Variants in FOLH1 observed in about 807,000 individuals in gnomAD.
FOLH1 encodes the protein glutamate carboxypeptidase 2.
FOLH1 carries 54 observed loss-of-function variants against 93.9 expected under a neutral mutation model. The ratio of observed to expected loss-of-function variants is 0.57; its 90% CI spans 0.46 to 0.72. The LOEUF is 0.72. Ranked by LOEUF, FOLH1 falls within the 30% of genes least tolerant of loss-of-function variation. The probability of loss-of-function intolerance (pLI) is 0.00; values close to 1 mark genes in which losing one functional copy is unlikely to be tolerated. For missense variants in FOLH1, 571 were observed against 892.5 expected, an observed-to-expected ratio of 0.64 and a Z score of 4.59; for synonymous variants, 249 against 303.6, an observed-to-expected ratio of 0.82 and a Z score of 1.87.
chr11:49,200,540 G>A lies in FOLH1; in HGVS notation c.225-99C>T, dbSNP rs958615780. ...CAGAGTTACACAAAAGTACTTTGAA[G>A]TGTGATACGTTAAAAAATTAAAGTG... On this transcript the variant is annotated intron_variant, in intron 2 of 18. Coordinates refer to ENST00000256999, the MANE Select transcript of FOLH1 (RefSeq NM_004476.3). 7.8e-6 allele frequency: 10 copies of A among 1,280,912 alleles called. No homozygotes were observed. In the African/African-American group the frequency reaches 1.4e-4, roughly 17 times the overall value. The allele number at this position is 1,280,912 out of a possible 1,614,324, so 79.3% of individuals were successfully genotyped here.
chr11:49,183,844 G>T (rs1370111090), intron 6 of FOLH1, among the ~76,000 whole-genome samples: 2 of 151,996 alleles, frequency 1.3e-5, no homozygotes, highest in African/African-American at 4.8e-5. Flanking sequence ...GATAGTGATT[G>T]CTTCTAGGGG....
chr11:49,160,599 C>T (rs192764672), intron 13 of FOLH1, among the ~76,000 whole-genome samples: 205 of 152,132 alleles, frequency 1.3e-3, no homozygotes, highest in Non-Finnish European at 2.3e-3. Flanking sequence ...CCCGCCACCA[C>T]GTCTGGCTAA....
chr11:49,184,875 C>T (rs1861190292), intron 6 of FOLH1, among the ~76,000 whole-genome samples: 1 of 152,188 alleles, frequency 6.6e-6, no homozygotes, highest in Non-Finnish European at 1.5e-5. Flanking sequence ...GGGAGCCTTT[C>T]AGCATAAGAC....
At chr11:49,167,043 C>CAA (rs1554987333) in intron 12 of FOLH1, among the ~76,000 whole-genome samples, 6 of 108,150 alleles carry the variant, frequency 5.5e-5, no homozygotes, top group African/African-American at 1.6e-4. Context: ...ACAACAACAA[C>CAA]AACAAAAAAA....
At chr11:49,191,882 T>C (rs1444091080) in intron 4 of FOLH1, among the ~76,000 whole-genome samples, 1 of 152,142 alleles carries the variant, frequency 6.6e-6, no homozygotes, top group African/African-American at 2.4e-5. Flanking sequence ...GTATTTTTAA[T>C]AGAGATGGGG....
intron 17 of FOLH1, among the ~76,000 whole-genome samples, chr11:49,152,615 C>T (rs1395368337): frequency 6.6e-6 from 1 of 151,938 alleles, no homozygotes; most frequent in African/African-American, 2.4e-5. Context: ...TGTTTCTTAC[C>T]GATATTTTCA....
At chr11:49,168,397 T>C (rs1387214969) in intron 12 of FOLH1, among the ~76,000 whole-genome samples, 1 of 152,188 alleles carries the variant, frequency 6.6e-6, no homozygotes, top group Non-Finnish European at 1.5e-5. Context: ...TTCATTTTCA[T>C]GAAAATCAAT....
At chr11:49,183,347 T>C in intron 6 of FOLH1, 105 bp from the exon 7 acceptor site, 2 of 869,932 alleles carry the variant, frequency 2.3e-6, no homozygotes, top group Non-Finnish European at 1.7e-6. Flanking sequence ...GCTAGAATTG[T>C]TAAAGTAAAA....
chr11:49,180,613 C>T (rs1348688091), intron 7 of FOLH1, among the ~76,000 whole-genome samples: 1 of 152,152 alleles, frequency 6.6e-6, no homozygotes, highest in African/African-American at 2.4e-5. Flanking sequence ...GTGCACAATG[C>T]TAAACTGCTA....
At chr11:49,168,023 T>C (rs1484966758) in intron 12 of FOLH1, among the ~76,000 whole-genome samples, 1 of 144,500 alleles carries the variant, frequency 6.9e-6, no homozygotes, top group African/African-American at 2.6e-5. Flanking sequence ...TCTAAAAAAT[T>C]CCCCCTTCAT....
chr11:49,204,593 A>G (rs1252293247), intron 2 of FOLH1, among the ~76,000 whole-genome samples: 1 of 152,196 alleles, frequency 6.6e-6, no homozygotes, highest in Admixed American at 6.5e-5. Context: ...AGGGTTTTCC[A>G]CAAAGATAAA....
intron 4 of FOLH1, among the ~76,000 whole-genome samples, chr11:49,191,062 G>A (rs1423888804): frequency 6.6e-6 from 1 of 152,162 alleles, no homozygotes; most frequent in Non-Finnish European, 1.5e-5. Flanking sequence ...GATCACCTGA[G>A]GTCAGGAGGC....
chr11:49,175,094 T>C (rs1240593462), intron 8 of FOLH1, 117 bp from the exon 9 acceptor site: 4 of 911,134 alleles, frequency 4.4e-6, no homozygotes, highest in Non-Finnish European at 6.7e-6. Context: ...TAAAATAAAC[T>C]GAAAACTGAT....
chr11:49,194,395 C>A (rs1862410902), intron 3 of FOLH1, among the ~76,000 whole-genome samples: 1 of 151,644 alleles, frequency 6.6e-6, no homozygotes, highest in Non-Finnish European at 1.5e-5. Context: ...TCAAATTAGC[C>A]TTAAAGAATT....
intron 3 of FOLH1, among the ~76,000 whole-genome samples, chr11:49,196,163 A>C (rs1862595748): frequency 1.3e-5 from 2 of 152,194 alleles, no homozygotes; most frequent in South Asian, 4.1e-4. Context: ...AAAACAACAA[A>C]AAAATCTAGT....
At chr11:49,194,517 T>G in intron 3 of FOLH1, among the ~76,000 whole-genome samples, 1 of 152,072 alleles carries the variant, frequency 6.6e-6, no homozygotes, top group Non-Finnish European at 1.5e-5. Context: ...GTGAAAGTGT[T>G]CTAAGGTTTC....
At chr11:49,148,556 A>G in intron 18 of FOLH1, 83 bp downstream of exon 18, 2 of 1,053,064 alleles carry the variant, frequency 1.9e-6, no homozygotes, top group Non-Finnish European at 2.7e-6. Flanking sequence ...ATCAACTACA[A>G]TATTTTTTCC....
chr11:49,208,346 A>C lies in FOLH1; in HGVS notation c.64T>G (p.Cys22Gly), dbSNP rs1397151944. The stretch of plus-strand genomic sequence containing the variant: ...CCCGCCAGCACCAGCGCCCCAGCGC[A>C]CAGCCAGCGCGGGCGGCGCGCGGTG... The part of the protein sequence containing the change: ...VATARRPRWL[C>G]AGALVLAGGF... The change falls in exon 1 of 19, where the codon TGC (cysteine) becomes GGC (glycine). Residue 22 changes from cysteine to glycine, a missense_variant. Physicochemically the swap from Cys to Gly is radical, Grantham distance 159 (BLOSUM62 -3). Coordinates refer to ENST00000256999, the MANE Select transcript of FOLH1 (RefSeq NM_004476.3). The C allele has an allele frequency of 1.2e-6, 2 of 1,600,920 alleles. No homozygotes were observed. The highest frequency in any genetic ancestry group is 1.7e-6 in the Non-Finnish European group (2 of 1,172,640).
intron 13 of FOLH1, 129 bp from the exon 14 acceptor site, chr11:49,158,172 G>T: frequency 1.7e-6 from 1 of 605,980 alleles, no homozygotes; most frequent in Non-Finnish European, 2.7e-6. Flanking sequence ...CCATACATTA[G>T]CAGTCATCAA....
Sources: gnomAD v4.1 joint callset for allele counts (sites outside exome capture counted in the v4.1 genomes callset) on GRCh38, gnomAD v4.1.1 for gene constraint, MANE v1.5 for transcripts, NCBI Gene and HGNC (gene_info 2026-07-23, HGNC 2026-07-21) for gene names.